KIFC3: variants seen among roughly 807,000 people sequenced by gnomAD.
KIFC3 encodes the protein kinesin-like protein KIFC3.
A neutral mutation model predicts 101.8 loss-of-function variants in KIFC3; 60 were observed. The ratio of observed to expected loss-of-function variants is 0.59; its 90% confidence interval spans 0.48 to 0.73. The LOEUF is 0.73. Among genes scored for constraint, KIFC3 ranks in the 30% least tolerant of loss-of-function variants. The pLI is 0.00. For synonymous variants in KIFC3, 476 were observed against 482.7 expected (o/e 0.99, Z 0.18); for missense variants, 966 against 1,137.1 (o/e 0.85, Z 2.16).
chr16:57,798,551 C>A (rs1221366214), intron 1 of KIFC3: 3 of 534,410 alleles, frequency 5.6e-6, no homozygotes, highest in Non-Finnish European at 9.9e-6. Flanking sequence ...CACCTGAGCC[C>A]TTCCCAGCTG....
intron 9 of KIFC3, among the ~76,000 whole-genome samples, chr16:57,768,509 T>TCTCTCACACACACA (rs147198668): frequency 7.2e-6 from 1 of 139,030 alleles, no homozygotes; most frequent in Non-Finnish European, 1.5e-5. Flanking sequence ...CCATATATTC[T>TCTCTCACACACACA]CACACACACA....
chr16:57,799,405 A>G (rs1398790839), intron 1 of KIFC3, among the ~76,000 whole-genome samples: 1 of 152,002 alleles, frequency 6.6e-6, no homozygotes, highest in East Asian at 1.9e-4. Context: ...TACTCTCCCC[A>G]TCCGTCACTG....
At chr16:57,805,660 GT>G (rs1427232267), upstream of KIFC3, among the ~76,000 whole-genome samples, 3 of 149,264 alleles carry the variant, frequency 2.0e-5, no homozygotes, top group Non-Finnish European at 3.0e-5. Context: ...GTTCACGGTG[GT>G]ATGCCCATAG....
intron 3 of KIFC3, chr16:57,774,230 T>C (rs2051708756): frequency 6.6e-6 from 1 of 152,106 alleles, no homozygotes. Context: ...TGGGTGGGAG[T>C]AGGGACAGTT....
At chr16:57,856,901 C>T (rs949333533) in intron 1 of KIFC3, among the ~76,000 whole-genome samples, 4 of 152,152 alleles carry the variant, frequency 2.6e-5, no homozygotes, top group Non-Finnish European at 4.4e-5. Flanking sequence ...TAGCTAAAAT[C>T]CTTCCAGAAA....
At chr16:57,818,785 G>T (rs982101776) in intron 1 of KIFC3, among the ~76,000 whole-genome samples, 11 of 152,212 alleles carry the variant, frequency 7.2e-5, no homozygotes, top group African/African-American at 2.2e-4. Flanking sequence ...CGTGGTCAAT[G>T]CCATTGCTGT....
intron 1 of KIFC3, among the ~76,000 whole-genome samples, chr16:57,821,127 T>G (rs2055341608): frequency 7.7e-6 from 1 of 129,924 alleles, no homozygotes. Context: ...CAAGCCTGTG[T>G]ATTAAAAAAA....
intron 1 of KIFC3, chr16:57,810,676 T>G: frequency 2.0e-6 from 2 of 985,474 alleles, no homozygotes; most frequent in South Asian, 9.4e-5. Context: ...TTTAATCTAA[T>G]TCAACTTCAG....
rs1486769387 is a variant in KIFC3, at chr16:57,845,506, C to T, written c.108+17223G>A. Among the ~76,000 whole-genome samples, 3 of 152,172 alleles carry T rather than the reference C, an allele frequency of 2.0e-5. No homozygotes were observed. The East Asian group carries it at 5.8e-4, about 29-fold the overall frequency. On this transcript the variant is annotated intron_variant, in intron 1 of 2. Transcript: ENST00000563028. Reference sequence around the variant, plus strand: ...TCCAAACCTCCTATCCCTCCCAACACCTTTGCTCTGCTCCTAAAATCTGCC... The same window carrying T: ...TCCAAACCTCCTATCCCTCCCAACATCTTTGCTCTGCTCCTAAAATCTGCC...
chr16:57,843,934 C>G (rs2055862467), intron 1 of KIFC3, among the ~76,000 whole-genome samples: 1 of 151,610 alleles, frequency 6.6e-6, no homozygotes, highest in African/African-American at 2.4e-5. Context: ...ATGGTAAAAC[C>G]CTGTCTCTAC....
intron 1 of KIFC3, among the ~76,000 whole-genome samples, chr16:57,831,842 C>A (rs1159829942): frequency 3.9e-5 from 6 of 152,228 alleles, no homozygotes; most frequent in African/African-American, 1.4e-4. Context: ...GACCTGGGAA[C>A]CCTGATCAGT....
intron 1 of KIFC3, chr16:57,816,552 A>G (rs543457801): frequency 3.3e-5 from 15 of 456,768 alleles, no homozygotes; most frequent in African/African-American, 2.8e-4. Flanking sequence ...TGCGAGTGAC[A>G]GCTGGCTGCT....
intron 10 of KIFC3, among the ~76,000 whole-genome samples, chr16:57,766,595 C>T (rs558522292): frequency 2.0e-5 from 3 of 152,322 alleles, no homozygotes; most frequent in African/African-American, 7.2e-5. Flanking sequence ...AATGCTGCAA[C>T]ACCACACCCC....
intron 1 of KIFC3, among the ~76,000 whole-genome samples, chr16:57,838,885 G>A (rs1410402660): frequency 6.6e-6 from 1 of 152,156 alleles, no homozygotes; most frequent in African/African-American, 2.4e-5. Flanking sequence ...ATGTGTAGCT[G>A]CGTTACGCTT....
intron 3 of KIFC3, among the ~76,000 whole-genome samples, chr16:57,777,348 A>G (rs2052222035): frequency 6.6e-6 from 1 of 152,246 alleles, no homozygotes; most frequent in South Asian, 2.1e-4. Flanking sequence ...AAAAATCCAT[A>G]TCAAGGGACA....
chr16:57,815,610 G>A (rs2055201884), intron 1 of KIFC3: 1 of 1,289,800 alleles, frequency 7.8e-7, no homozygotes, highest in Non-Finnish European at 1.0e-6. Flanking sequence ...CCACATGGCT[G>A]CTGCACCTGA....
Position 57,760,944 on chromosome 16 carries a change from G to A in KIFC3, c.2014C>T (p.Leu672=), listed in dbSNP as rs367580545. The A allele has an allele frequency of 5.0e-5, 81 of 1,607,062 alleles. No homozygotes were observed. Among genetic ancestry groups the A allele is most frequent in the Admixed American group, 2.8e-4 (17 of 59,772 alleles). Residue 672 remains leucine (L), a synonymous_variant, in exon 16 of 20, where the codon CTG becomes TTG. Transcript: ENST00000445690. ...TGLRTTGKLN[L]VDLAGSERVG... Reference sequence around the variant, plus strand: ...CGCTCCGAGCCAGCCAAGTCCACCAGGTTCAGCTTCCCTGCAGGGAAGGCA... The same window carrying A: ...CGCTCCGAGCCAGCCAAGTCCACCAAGTTCAGCTTCCCTGCAGGGAAGGCA...
chr16:57,798,689 T>G, intron 1 of KIFC3: 1 of 250,200 alleles, frequency 4.0e-6, no homozygotes, highest in Non-Finnish European at 7.8e-6. Flanking sequence ...CTTAACCACA[T>G]GCTTAACCCT....
intron 4 of KIFC3, 146 bp downstream of exon 4, chr16:57,772,077 G>T: frequency 1.4e-6 from 1 of 711,268 alleles, no homozygotes; most frequent in Non-Finnish European, 2.4e-6. Flanking sequence ...ACTAGGAGGT[G>T]GGGATAAGGC....
Sources: allele counts gnomAD v4.1 joint callset (sites outside exome capture counted in the v4.1 genomes callset), GRCh38; gene constraint gnomAD v4.1.1; transcripts MANE v1.5; gene names NCBI Gene and HGNC (gene_info 2026-07-23, HGNC 2026-07-21).